The following MID1 variants were observed in gnomAD, a reference collection of about 807,000 sequenced individuals.
MID1 encodes midline 1.
MID1 carries 7 observed loss-of-function variants against 40.4 expected under a neutral mutation model. That is an observed-to-expected ratio of 0.17 (90% CI 0.10 to 0.33). The LOEUF (loss-of-function observed/expected upper bound fraction) is 0.33. Ranked by LOEUF, MID1 falls within the 10% of genes least tolerant of loss-of-function variation. The pLI is 1.00. For missense variants in MID1, 367 were observed against 558.5 expected, an observed-to-expected ratio of 0.66 and a Z score of 3.46; for synonymous variants, 229 against 221.2, an observed-to-expected ratio of 1.04 and a Z score of -0.31.
At position 10,567,418 on chromosome X, in the gene MID1, T is replaced by C. The variant is rs779960944; in HGVS notation, c.130A>G (p.Thr44Ala). Residue 44 changes from threonine to alanine, a missense_variant, in exon 2 of 10, where the codon ACC becomes GCC. Coordinates refer to ENST00000317552, the MANE Select transcript of MID1 (RefSeq NM_000381.4). ...AHRILVSHCA[T>A]NESVESITAF... The stretch of plus-strand genomic sequence containing the variant: ...GTGATGGACTCCACAGACTCGTTGG[T>C]GGCACAGTGTGATACTAGGATGCGG... 61 of 1,207,504 alleles carry C rather than the reference T, an allele frequency of 5.1e-5. No individual in the cohort carries two copies. Among genetic ancestry groups the C allele is most frequent in the South Asian group, 3.7e-4 (21 of 56,536 alleles).
At chrX:10,579,024 A>G (rs1282127472) in intron 1 of MID1, among the ~76,000 whole-genome samples, 2 of 112,501 alleles carry the variant, frequency 1.8e-5, no homozygotes, top group Non-Finnish European at 3.7e-5. Flanking sequence ...ACACATATAC[A>G]TATACAAAAG....
At chrX:10,626,208 C>T (rs947179759) in intron 1 of MID1, among the ~76,000 whole-genome samples, 2 of 110,743 alleles carry the variant, frequency 1.8e-5, no homozygotes, top group Non-Finnish European at 3.8e-5. Context: ...TTCATCTTCC[C>T]TTTGCTTCTT....
chrX:10,571,185 A>G (rs1934712708), intron 1 of MID1, among the ~76,000 whole-genome samples: 1 of 112,426 alleles, frequency 8.9e-6, no homozygotes. Context: ...TGTACTGTAA[A>G]TGGTTAATTG....
intron 1 of MID1, among the ~76,000 whole-genome samples, chrX:10,681,074 A>AATAATAATG (rs1175837649): frequency 9.9e-6 from 1 of 101,312 alleles, no homozygotes; most frequent in African/African-American, 3.6e-5. Context: ...TAATAATAAT[A>AATAATAATG]ATGCTACACA....
intron 1 of MID1, among the ~76,000 whole-genome samples, chrX:10,803,462 C>T (rs1339467272): frequency 9.3e-6 from 1 of 108,004 alleles, no homozygotes; most frequent in Non-Finnish European, 1.9e-5. Context: ...AAGCGATTCT[C>T]CTGCCTCAGC....
chrX:10,708,459 G>A (rs924454612), intron 1 of MID1, among the ~76,000 whole-genome samples: 2 of 111,053 alleles, frequency 1.8e-5, no homozygotes, highest in African/African-American at 6.6e-5. Flanking sequence ...CAGAGCAGAG[G>A]AGGATGGTTA....
At chrX:10,756,365 T>C (rs2043632957) in intron 1 of MID1, among the ~76,000 whole-genome samples, 1 of 112,678 alleles carries the variant, frequency 8.9e-6, no homozygotes, top group Non-Finnish European at 1.9e-5. Flanking sequence ...AGTAGGCAAT[T>C]TCATAAGGAG....
At chrX:10,728,248 A>T (rs2043411978) in intron 1 of MID1, among the ~76,000 whole-genome samples, 1 of 111,340 alleles carries the variant, frequency 9.0e-6, no homozygotes, top group Non-Finnish European at 1.9e-5. Context: ...TTAGGCAGAA[A>T]GATCTTCCTG....
At chrX:10,676,751 G>C (rs767771418) in intron 1 of MID1, among the ~76,000 whole-genome samples, 31 of 111,516 alleles carry the variant, frequency 2.8e-4, no homozygotes, top group Non-Finnish European at 4.7e-4. Context: ...GGGGTGGAAG[G>C]GGGGTGTTTG....
At position 10,626,103 on chromosome X, in the gene MID1, CA is replaced by C. The variant is rs200843455; in HGVS notation, c.-186-5685del. ...ACTCCAGGCAAAACAAAAGAATGCACAAAAAAAGGAAGCATTGTTATAGAAC... is the reference window on the plus strand; with the variant it reads ...ACTCCAGGCAAAACAAAAGAATGCACAAAAAAGGAAGCATTGTTATAGAAC... On this transcript the variant is annotated intron_variant, in intron 1 of 10. Transcript: ENST00000380785. 1.9e-4 allele frequency among the ~76,000 whole-genome samples: 21 copies of C among 109,826 alleles called. No homozygotes were observed. In the South Asian group the frequency reaches 7.8e-3, roughly 41 times the overall value.
At chrX:10,549,262 T>C (rs966953742) in intron 2 of MID1, among the ~76,000 whole-genome samples, 1 of 112,987 alleles carries the variant, frequency 8.9e-6, no homozygotes, top group Non-Finnish European at 1.9e-5. Flanking sequence ...ATAATTATTA[T>C]TTAACCTCTA....
chrX:10,464,860 C>T (rs1054482021), intron 7 of MID1, among the ~76,000 whole-genome samples: 4 of 111,276 alleles, frequency 3.6e-5, no homozygotes, highest in Non-Finnish European at 7.5e-5. Flanking sequence ...ACATGTACTC[C>T]CAAAGTGTCC....
At chrX:10,593,390 G>A (rs1259202984) in intron 1 of MID1, among the ~76,000 whole-genome samples, 2 of 111,634 alleles carry the variant, frequency 1.8e-5, no homozygotes, top group Admixed American at 9.5e-5. Flanking sequence ...GGTCCCAAAT[G>A]TCCTCCTTCC....
chrX:10,762,338 G>T (rs2043685251), intron 1 of MID1, among the ~76,000 whole-genome samples: 1 of 111,044 alleles, frequency 9.0e-6, no homozygotes, highest in Non-Finnish European at 1.9e-5. Flanking sequence ...TTTGCCCAGG[G>T]TCCAAAAGGA....
chrX:10,783,440 T>G lies in MID1; in HGVS notation c.-187+50114A>C, dbSNP rs779340079. Among the ~76,000 whole-genome samples, 8 of 111,985 alleles carry G rather than the reference T, an allele frequency of 7.1e-5. No homozygotes were observed. In the South Asian group the frequency reaches 2.3e-3, roughly 32 times the overall value. On this transcript the variant is annotated intron_variant, in intron 1 of 10. Transcript: ENST00000380785. ...TTTCTAATTCTCTTATAGAACTTAT[T>G]ATGCTCTTCTTTGTACCTAAGTTAC... is the stretch of plus-strand genomic sequence containing the variant.
At chrX:10,634,815 G>T (rs1936091509) in intron 1 of MID1, among the ~76,000 whole-genome samples, 1 of 112,222 alleles carries the variant, frequency 8.9e-6, no homozygotes, top group Non-Finnish European at 1.9e-5. Flanking sequence ...TCTGTTCTTG[G>T]TGTGTTTAAT....
At chrX:10,603,182 G>C (rs7052249) in intron 1 of MID1, among the ~76,000 whole-genome samples, 10,041 of 111,490 alleles carry the variant, frequency 0.09, 709 homozygotes, top group African/African-American at 0.24. Flanking sequence ...TCTTAGAACC[G>C]CTTTTCTCTT....
At chrX:10,531,206 T>A (rs750768407) in intron 2 of MID1, among the ~76,000 whole-genome samples, 8 of 111,828 alleles carry the variant, frequency 7.2e-5, no homozygotes, top group Non-Finnish European at 1.3e-4. Context: ...TCACAATAGT[T>A]AATATGAAAA....
At chrX:10,456,844 T>TAAC (rs1928704926) in intron 8 of MID1, among the ~76,000 whole-genome samples, 1 of 109,534 alleles carries the variant, frequency 9.1e-6, no homozygotes, top group Admixed American at 9.7e-5. Flanking sequence ...CTCAAAAAAA[T>TAAC]AACAATAAAA....
Sources: allele counts gnomAD v4.1 joint callset (sites outside exome capture counted in the v4.1 genomes callset), GRCh38; gene constraint gnomAD v4.1.1; transcripts MANE v1.5; gene names NCBI Gene and HGNC (gene_info 2026-07-23, HGNC 2026-07-21).